Variants in DEXI observed in about 807,000 individuals in gnomAD.
DEXI encodes dexamethasone-induced protein.
A neutral mutation model predicts 2.5 loss-of-function variants in DEXI; 2 were observed. The ratio of observed to expected loss-of-function variants is 0.81; its 90% CI spans 0.33 to 2.55. The LOEUF (loss-of-function observed/expected upper bound fraction) is 2.55. DEXI is among the 30% of genes most tolerant of loss of function. The pLI is 0.11. For missense variants in DEXI, 108 were observed against 130.3 expected (o/e 0.83, Z 0.83); for synonymous variants, 71 against 68.7 (o/e 1.03, Z -0.17).
chr16:10,938,237 T>G lies in DEXI; in HGVS notation c.*149+3332A>C, dbSNP rs1397757135. On this transcript the variant is annotated intron_variant, in intron 1 of 1. Coordinates refer to ENST00000331808, the MANE Select transcript of DEXI (RefSeq NM_014015.4). This position sits in a 1 kb window ranked among gnomAD's most constrained non-coding sequence, Gnocchi z 4.9. ...CAAAGTACAGGGAGGTTAAGCAGCA[T>G]GCCCAAGGTCACAGCTACCCTGGGA... 1 of 152,146 alleles carries G rather than the reference T, an allele frequency of 6.6e-6. No individual in the cohort carries two copies. Among genetic ancestry groups the G allele is most frequent in the Non-Finnish European group, 1.5e-5 (1 of 68,042 alleles). The allele number at this position is 152,146 out of a possible 1,614,324, so 9.4% of individuals were successfully genotyped here.
intron 1 of DEXI, chr16:10,936,843 G>C (rs575311883): frequency 6.6e-6 from 1 of 152,362 alleles, no homozygotes; most frequent in East Asian, 1.9e-4. Context: ...CAGGGATAAA[G>C]AGGTCTGCCA....
At position 10,940,583 on chromosome 16, in the gene DEXI, C is replaced by T. The variant is rs932522317; in HGVS notation, c.*149+986G>A. ...GTCTCAGGGGCTGAGCCAAGGCGTTCCTGCCTGCCCTGTGACCCTCACCAG... is the reference window on the plus strand; with the variant it reads ...GTCTCAGGGGCTGAGCCAAGGCGTTTCTGCCTGCCCTGTGACCCTCACCAG... On this transcript the variant is annotated intron_variant, in intron 1 of 1. Coordinates refer to ENST00000331808, the MANE Select transcript of DEXI (RefSeq NM_014015.4). This position sits in a 1 kb window ranked among gnomAD's most constrained non-coding sequence, Gnocchi z 4.2. 10 of 152,400 alleles carry T rather than the reference C, an allele frequency of 6.6e-5. No individual in the cohort carries two copies. The highest frequency in any genetic ancestry group is 2.4e-4 in the African/African-American group (10 of 41,478). 9.4% of individuals were successfully genotyped at this position (152,400 alleles called of 1,614,324 possible). A position where few individuals can be genotyped will look rare whatever the true frequency, so the allele number is the denominator to read the frequency against.
In DEXI at chr16:10,929,549, G is replaced by C. The variant is rs60453756; in HGVS notation, c.*160C>G. ...CTCTCTGTTGGCACGAAGCTTTTGA[G>C]GGGAGCAGGTCTAACAAGAAGGAAA... On this transcript the variant is annotated 3_prime_UTR_variant, in exon 2 of 2. Coordinates refer to ENST00000331808, the MANE Select transcript of DEXI (RefSeq NM_014015.4). This position sits in a 1 kb window ranked among gnomAD's most constrained non-coding sequence, Gnocchi z 4.3. 1.0e-6 allele frequency: 1 copy of C among 985,352 alleles called. No individual in the cohort carries two copies. Among genetic ancestry groups the C allele is most frequent in the African/African-American group, 1.7e-5 (1 of 57,214 alleles). 61.0% of individuals were successfully genotyped at this position (985,352 alleles called of 1,614,324 possible). A position where few individuals can be genotyped will look rare whatever the true frequency, so the allele number is the denominator to read the frequency against.
In DEXI at chr16:10,929,402, A is replaced by G; in HGVS notation, c.*307T>C. 2 of 985,870 alleles carry G rather than the reference A, an allele frequency of 2.0e-6. No homozygotes were observed. The highest frequency in any genetic ancestry group is 1.7e-5 in the African/African-American group (1 of 57,348). The allele number at this position is 985,870 out of a possible 1,614,324, so 61.1% of individuals were successfully genotyped here. ...GCCAAGGCCAGGCCATCGATTTGACACTGCAGGCAGATGAGGTCTTGGGAT... is the reference window on the plus strand; with the variant it reads ...GCCAAGGCCAGGCCATCGATTTGACGCTGCAGGCAGATGAGGTCTTGGGAT... On this transcript the variant is annotated 3_prime_UTR_variant, in exon 2 of 2. Coordinates refer to ENST00000331808, the MANE Select transcript of DEXI (RefSeq NM_014015.4). This position sits in a 1 kb window ranked among gnomAD's most constrained non-coding sequence, Gnocchi z 4.3.
At position 10,941,515 on chromosome 16, in the gene DEXI, T is replaced by A. The variant is rs924432569; in HGVS notation, c.*149+54A>T. The A allele has an allele frequency of 1.3e-5, 18 of 1,388,358 alleles. No individual in the cohort carries two copies. The highest frequency in any genetic ancestry group is 1.7e-5 in the Non-Finnish European group (18 of 1,067,896). 86.0% of individuals were successfully genotyped at this position (1,388,358 alleles called of 1,614,324 possible). On this transcript the variant is annotated intron_variant, in intron 1 of 1. Transcript: ENST00000331808. This position sits in a 1 kb window ranked among gnomAD's most constrained non-coding sequence, Gnocchi z 6.4. ...TGTATCCGGCCTGGGAATTCCTCCC[T>A]CTCCCTTGCTAGCGCCCCAACCCGC... is the stretch of plus-strand genomic sequence containing the variant.
chr16:10,930,211 C>T (rs2040723940), intron 1 of DEXI: 1 of 152,338 alleles, frequency 6.6e-6, no homozygotes, highest in African/African-American at 2.4e-5. Flanking sequence ...GCTCTGATTC[C>T]AAGCCTCATC....
chr16:10,929,666 G>T lies in DEXI; in HGVS notation c.*150-107C>A. 3.1e-6 allele frequency: 2 copies of T among 638,794 alleles called. No individual in the cohort carries two copies. Among genetic ancestry groups the T allele is most frequent in the Non-Finnish European group, 3.9e-6 (2 of 513,306 alleles). The allele number at this position is 638,794 out of a possible 1,614,324, so 39.6% of individuals were successfully genotyped here. ...CCAGGCTCGGGAGGCTTGGGGTGGG[G>T]CAGGGAAGTCTTCCTCCATCCCTCA... On this transcript the variant is annotated intron_variant, in intron 1 of 1. Transcript: ENST00000331808. The surrounding 1 kb of genome is among the most constrained non-coding windows in gnomAD (Gnocchi z 4.3).
At position 10,938,478 on chromosome 16, in the gene DEXI, T is replaced by C. The variant is rs1468952246; in HGVS notation, c.*149+3091A>G. On this transcript the variant is annotated intron_variant, in intron 1 of 1. Coordinates refer to ENST00000331808, the MANE Select transcript of DEXI (RefSeq NM_014015.4). This position sits in a 1 kb window ranked among gnomAD's most constrained non-coding sequence, Gnocchi z 4.9. ...ACGCCCTTAGTCACTGTTTCCTGGA[T>C]TGGCGTGTGGGGAACACATGTGACC... is the stretch of plus-strand genomic sequence containing the variant. 3 of 152,150 alleles carry C rather than the reference T, an allele frequency of 2.0e-5. No homozygotes were observed. The highest frequency in any genetic ancestry group is 4.4e-5 in the Non-Finnish European group (3 of 68,036). The allele number at this position is 152,150 out of a possible 1,614,324, so 9.4% of individuals were successfully genotyped here. A position where few individuals can be genotyped will look rare whatever the true frequency, so the allele number is the denominator to read the frequency against.
rs74717883 is a variant in DEXI, at chr16:10,936,614, T to G, written c.*149+4955A>C. 3.3e-5 allele frequency: 5 copies of G among 152,292 alleles called. No homozygotes were observed. In the East Asian group the frequency reaches 9.6e-4, roughly 29 times the overall value. 9.4% of individuals were successfully genotyped at this position (152,292 alleles called of 1,614,324 possible). A position where few individuals can be genotyped will look rare whatever the true frequency, so the allele number is the denominator to read the frequency against. On this transcript the variant is annotated intron_variant, in intron 1 of 1. Transcript: ENST00000331808. ...CTTCATAACAGAGGTTTTTGTTTGT[T>G]TGTTTGTTTTTAATTCAGGAAAAAG...
At position 10,941,177 on chromosome 16, in the gene DEXI, T is replaced by C. The variant is rs1401709719; in HGVS notation, c.*149+392A>G. The C allele has an allele frequency of 1.3e-5, 2 of 153,724 alleles. No homozygotes were observed. Among genetic ancestry groups the C allele is most frequent in the African/African-American group, 4.8e-5 (2 of 41,580 alleles). 9.5% of individuals were successfully genotyped at this position (153,724 alleles called of 1,614,324 possible). A position where few individuals can be genotyped will look rare whatever the true frequency, so the allele number is the denominator to read the frequency against. On this transcript the variant is annotated intron_variant, in intron 1 of 1. Transcript: ENST00000331808. The surrounding 1 kb of genome is among the most constrained non-coding windows in gnomAD (Gnocchi z 6.4). The stretch of plus-strand genomic sequence containing the variant: ...GTCTTCTGACACCCCTAAATCTTTA[T>C]CCTTCTAGGACAAGCGAGAATCCCC...
chr16:10,929,060 T>C lies in DEXI; in HGVS notation c.*649A>G, dbSNP rs376422417. 3.9e-5 allele frequency: 12 copies of C among 308,034 alleles called. No individual in the cohort carries two copies. The highest frequency in any genetic ancestry group is 2.5e-4 in the African/African-American group (11 of 44,410). The allele number at this position is 308,034 out of a possible 1,614,324, so 19.1% of individuals were successfully genotyped here. A position where few individuals can be genotyped will look rare whatever the true frequency, so the allele number is the denominator to read the frequency against. ...CATGATGTCTGTTTTGCCAACTTGC[T>C]GAAGAACGAGTAACCTGAAATGAAG... On this transcript the variant is annotated 3_prime_UTR_variant, in exon 2 of 2. Transcript: ENST00000331808. The surrounding 1 kb of genome is among the most constrained non-coding windows in gnomAD (Gnocchi z 4.3).
intron 1 of DEXI, chr16:10,932,022 A>G (rs917890421): frequency 2.0e-5 from 3 of 152,250 alleles, no homozygotes; most frequent in Non-Finnish European, 4.4e-5. Flanking sequence ...AGGTTTGAGG[A>G]TTTTGATCCA....
At chr16:10,936,877 C>T (rs1169490827) in intron 1 of DEXI, 1 of 152,158 alleles carries the variant, frequency 6.6e-6, no homozygotes, top group Non-Finnish European at 1.5e-5. Context: ...CTTAGGTTTC[C>T]CAAAAGCCGA....
rs1351788962 is a variant in DEXI, at chr16:10,942,008, A to G, written c.-3T>C. On this transcript the variant is annotated 5_prime_UTR_variant, in exon 1 of 2. Coordinates refer to ENST00000331808, the MANE Select transcript of DEXI (RefSeq NM_014015.4). The surrounding 1 kb of genome is among the most constrained non-coding windows in gnomAD (Gnocchi z 5.0). ...GCCGCGACCCGGGCGCCGAGCATGC[A>G]GCGGGTGGCAAGGGCGGCGGCCCGG... 2 of 1,448,936 alleles carry G rather than the reference A, an allele frequency of 1.4e-6. No homozygotes were observed. Among genetic ancestry groups the G allele is most frequent in the Non-Finnish European group, 9.1e-7 (1 of 1,099,566 alleles). The allele number at this position is 1,448,936 out of a possible 1,614,324, so 89.8% of individuals were successfully genotyped here.
Position 10,929,410 on chromosome 16 carries a change from CA to C in DEXI, c.*298del, listed in dbSNP as rs1188292292. On this transcript the variant is annotated 3_prime_UTR_variant, in exon 2 of 2. Coordinates refer to ENST00000331808, the MANE Select transcript of DEXI (RefSeq NM_014015.4). This position sits in a 1 kb window ranked among gnomAD's most constrained non-coding sequence, Gnocchi z 4.3. ...CAGGCCATCGATTTGACACTGCAGG[CA>C]GATGAGGTCTTGGGATGCCTCTTGC... The C allele has an allele frequency of 2.0e-6, 2 of 985,756 alleles. No individual in the cohort carries two copies. The highest frequency in any genetic ancestry group is 4.7e-5 in the South Asian group (1 of 21,290). The allele number at this position is 985,756 out of a possible 1,614,324, so 61.1% of individuals were successfully genotyped here. A position where few individuals can be genotyped will look rare whatever the true frequency, so the allele number is the denominator to read the frequency against.
intron 1 of DEXI, chr16:10,935,200 T>C (rs1204262494): frequency 6.6e-6 from 1 of 152,266 alleles, no homozygotes; most frequent in African/African-American, 2.4e-5. Context: ...CTGCAAAGCA[T>C]GTAAGTAACA....
At position 10,941,385 on chromosome 16, in the gene DEXI, G is replaced by C; in HGVS notation, c.*149+184C>G. ...TTCACCAGCTGTCCCCTTTGCTGGA[G>C]GAAGCTTTCCAGCCCAAACGAAGGG... On this transcript the variant is annotated intron_variant, in intron 1 of 1. Transcript: ENST00000331808. This position sits in a 1 kb window ranked among gnomAD's most constrained non-coding sequence, Gnocchi z 6.4. 1 of 353,696 alleles carries C rather than the reference G, an allele frequency of 2.8e-6. No homozygotes were observed. Among genetic ancestry groups the C allele is most frequent in the Non-Finnish European group, 4.4e-6 (1 of 229,026 alleles). 21.9% of individuals were successfully genotyped at this position (353,696 alleles called of 1,614,324 possible). A position where few individuals can be genotyped will look rare whatever the true frequency, so the allele number is the denominator to read the frequency against.
Position 10,941,549 on chromosome 16 carries a change from T to A in DEXI, c.*149+20A>T, listed in dbSNP as rs2041102413. The stretch of plus-strand genomic sequence containing the variant: ...CTAGCGCCCCAACCCGCCCTCATCC[T>A]GTTCAGAGAGGGCACTTACAGGCCT... On this transcript the variant is annotated intron_variant, in intron 1 of 1. Coordinates refer to ENST00000331808, the MANE Select transcript of DEXI (RefSeq NM_014015.4). The surrounding 1 kb of genome is among the most constrained non-coding windows in gnomAD (Gnocchi z 6.4). The A allele has an allele frequency of 1.4e-6, 2 of 1,436,098 alleles. No individual in the cohort carries two copies. The highest frequency in any genetic ancestry group is 5.1e-5 in the East Asian group (2 of 38,862). 89.0% of individuals were successfully genotyped at this position (1,436,098 alleles called of 1,614,324 possible). A position where few individuals can be genotyped will look rare whatever the true frequency, so the allele number is the denominator to read the frequency against.
At chr16:10,935,670 C>T (rs2040995369) in intron 1 of DEXI, 1 of 152,138 alleles carries the variant, frequency 6.6e-6, no homozygotes, top group Non-Finnish European at 1.5e-5. Context: ...GTTAACATCG[C>T]CAGAAAGGGG....
Sources: gnomAD v4.1 joint callset for allele counts on GRCh38, gnomAD v4.1.1 for gene constraint, Gnocchi (gnomAD v3.1) non-coding constraint, MANE v1.5 for transcripts, NCBI Gene and HGNC (gene_info 2026-07-23, HGNC 2026-07-21) for gene names.